The following ZNF45 variants were observed in gnomAD, a reference collection of about 807,000 sequenced individuals.
ZNF45 encodes zinc finger protein 45, also known as BRC1744.
Under a neutral mutation model 12.0 loss-of-function variants are expected in ZNF45, and 4 were observed. That is an observed-to-expected ratio of 0.33 (90% confidence interval 0.16 to 0.76). The LOEUF (loss-of-function observed/expected upper bound fraction) is 0.76, where lower values mean the gene tolerates loss of function less well. Among genes scored for constraint, ZNF45 ranks in the 30% least tolerant of loss-of-function variants. ZNF45 has a pLI of 0.60. For missense variants in ZNF45, 700 were observed against 813.0 expected, an observed-to-expected ratio of 0.86 and a Z score of 1.69; for synonymous variants, 272 against 279.6, an observed-to-expected ratio of 0.97 and a Z score of 0.27.
In ZNF45 at chr19:43,922,196, T is replaced by C; in HGVS notation, c.-11A>G. The C allele has an allele frequency of 6.2e-7, 1 of 1,608,804 alleles. No individual in the cohort carries two copies. The highest frequency in any genetic ancestry group is 8.5e-7 in the Non-Finnish European group (1 of 1,176,430). ...CTTAGACTTCGTCATTTTGTCCTCC[T>C]CCTTCTGGAGAAGTGCCAAGTCTTA... On this transcript the variant is annotated 5_prime_UTR_variant, in exon 7 of 10. Coordinates refer to ENST00000269973, the MANE Select transcript of ZNF45 (RefSeq NM_003425.4).
In ZNF45 at chr19:43,914,236, G is replaced by A. The variant is rs750890054; in HGVS notation, c.1200C>T (p.Ala400=). ...CEECGKGFCR[A]SNLLDHQRGH... is the part of the protein sequence containing the mutation. The stretch of plus-strand genomic sequence containing the variant: ...CTCTTTGATGGTCCAGCAGATTTGA[G>A]GCCCGGCAGAAGCCTTTCCCACACT... The change falls in exon 10 of 10, where the codon GCC becomes GCT. Residue 400 remains alanine (A), a synonymous_variant. Transcript: ENST00000269973. The A allele has an allele frequency of 6.2e-7, 1 of 1,613,448 alleles. No homozygotes were observed. The highest frequency in any genetic ancestry group is 8.5e-7 in the Non-Finnish European group (1 of 1,179,606).
rs571176969 is a variant in ZNF45, at chr19:43,929,422, G to A, written c.-400+3182C>T. 1.2e-4 allele frequency among the ~76,000 whole-genome samples: 18 copies of A among 152,238 alleles called. No individual in the cohort carries two copies. The East Asian group carries it at 3.5e-3, about 29-fold the overall frequency. Reference sequence around the variant, plus strand: ...CTCCCTAAGTCTGCTGAATCACAGGGCCAGACTAACAACCAAAATTATGTG... The same window carrying A: ...CTCCCTAAGTCTGCTGAATCACAGGACCAGACTAACAACCAAAATTATGTG... On this transcript the variant is annotated intron_variant, in intron 3 of 9. Transcript: ENST00000269973.
At chr19:43,921,119 T>C (rs1973138121) in intron 7 of ZNF45, among the ~76,000 whole-genome samples, 1 of 152,170 alleles carries the variant, frequency 6.6e-6, no homozygotes, top group Admixed American at 6.5e-5. Context: ...GGAGAATTCT[T>C]TTTCTTTGCC....
At chr19:43,927,262 G>A (rs1973761844) in intron 3 of ZNF45, among the ~76,000 whole-genome samples, 2 of 151,994 alleles carry the variant, frequency 1.3e-5, no homozygotes, top group Non-Finnish European at 2.9e-5. Context: ...GTGGAGTTTC[G>A]TTACCTGCTC....
chr19:43,919,590 C>T lies in ZNF45; in HGVS notation c.125G>A (p.Arg42Lys). The T allele has an allele frequency of 6.2e-7, 1 of 1,612,644 alleles. No homozygotes were observed. Among genetic ancestry groups the T allele is most frequent in the African/African-American group, 1.3e-5 (1 of 74,984 alleles). Residue 42 changes from arginine to lysine, a missense_variant, in exon 8 of 10, where the codon AGG becomes AAG. Coordinates refer to ENST00000269973, the MANE Select transcript of ZNF45 (RefSeq NM_003425.4). Reference sequence around the variant, plus strand: ...GTCCTCACCCACTGAGACCACATTCCTGAAGTTCTCCAGCATCACATCTCG... The same window carrying T: ...GTCCTCACCCACTGAGACCACATTCTTGAAGTTCTCCAGCATCACATCTCG... The part of the protein sequence containing the change: ...LYRDVMLENF[R>K]NVVSVGHQST...
At chr19:43,929,334 T>C (rs1441859581) in intron 3 of ZNF45, among the ~76,000 whole-genome samples, 1 of 152,256 alleles carries the variant, frequency 6.6e-6, no homozygotes, top group Non-Finnish European at 1.5e-5. Flanking sequence ...CCTGCCCGCC[T>C]AGTTCCTCGT....
chr19:43,916,551 T>C lies in ZNF45; in HGVS notation c.236-1351A>G, dbSNP rs530048206. ...TCTGACAAACTATATATGTCCCTTATTATTTTTTATGTCTCTGTTGAATGG... is the reference window on the plus strand; with the variant it reads ...TCTGACAAACTATATATGTCCCTTACTATTTTTTATGTCTCTGTTGAATGG... On this transcript the variant is annotated intron_variant, in intron 9 of 9. Transcript: ENST00000269973. 6.6e-5 allele frequency among the ~76,000 whole-genome samples: 10 copies of C among 152,372 alleles called. No homozygotes were observed. In the South Asian group the frequency reaches 1.9e-3, roughly 28 times the overall value.
intron 9 of ZNF45, among the ~76,000 whole-genome samples, chr19:43,916,223 T>C (rs1972655624): frequency 6.6e-6 from 1 of 152,088 alleles, no homozygotes; most frequent in Non-Finnish European, 1.5e-5. Flanking sequence ...CAAGTGATTC[T>C]CCTGCCTTAT....
rs1972380961 is a variant in ZNF45, at chr19:43,913,602, A to G, written c.1834T>C (p.Tyr612His). The G allele has an allele frequency of 6.2e-7, 1 of 1,614,026 alleles. No individual in the cohort carries two copies. The highest frequency in any genetic ancestry group is 8.5e-7 in the Non-Finnish European group (1 of 1,179,992). ...HQRVHTGERPYKCEECGKVFS... is the reference protein window; with the variant it reads ...HQRVHTGERPHKCEECGKVFS... ...ACTTTCCCACATTCCTCACATTTGT[A>G]TGGTCTCTCTCCTGTGTGGACCCTC... The change falls in exon 10 of 10, where the codon TAC becomes CAC. Residue 612 changes from tyrosine to histidine, a missense_variant. Coordinates refer to ENST00000269973, the MANE Select transcript of ZNF45 (RefSeq NM_003425.4).
intron 3 of ZNF45, among the ~76,000 whole-genome samples, chr19:43,932,218 C>A (rs576837550): frequency 6.6e-6 from 1 of 152,192 alleles, no homozygotes; most frequent in Admixed American, 6.5e-5. Context: ...CGCCTGTAAT[C>A]CCAGCTACTG....
intron 2 of ZNF45, among the ~76,000 whole-genome samples, chr19:43,933,736 A>G (rs941983593): frequency 6.6e-6 from 1 of 152,236 alleles, no homozygotes; most frequent in Non-Finnish European, 1.5e-5. Flanking sequence ...AAAAACTGCT[A>G]AACAGAAATG....
intron 3 of ZNF45, among the ~76,000 whole-genome samples, chr19:43,929,352 C>G (rs368133782): frequency 4.8e-4 from 73 of 152,322 alleles, no homozygotes; most frequent in African/African-American, 1.8e-3. Flanking sequence ...CGTGTGTTAA[C>G]CATGTTTTAT....
At chr19:43,915,380 A>G (rs1972558408) in intron 9 of ZNF45, among the ~76,000 whole-genome samples, 180 bp from the exon 10 acceptor site, 1 of 152,268 alleles carries the variant, frequency 6.6e-6, no homozygotes, top group Non-Finnish European at 1.5e-5. Flanking sequence ...TAAAACTCCT[A>G]CACATAAATT....
At chr19:43,918,650 G>C (rs424729) in intron 9 of ZNF45, among the ~76,000 whole-genome samples, 73,889 of 151,998 alleles carry the variant, frequency 0.49, 18,879 homozygotes, top group East Asian at 0.81. Flanking sequence ...TCCCCCAGTC[G>C]GTAGTATTTT....
At chr19:43,924,077 G>A (rs1298381322) in intron 6 of ZNF45, among the ~76,000 whole-genome samples, 161 bp downstream of exon 6, 1 of 151,582 alleles carries the variant, frequency 6.6e-6, no homozygotes, top group Non-Finnish European at 1.5e-5. Flanking sequence ...TCATGACTCT[G>A]CAAGATTTAT....
At chr19:43,927,850 A>C (rs887883352) in intron 3 of ZNF45, among the ~76,000 whole-genome samples, 5 of 152,120 alleles carry the variant, frequency 3.3e-5, no homozygotes, top group Admixed American at 2.0e-4. Flanking sequence ...AATGTGGTGC[A>C]TATACACCAT....
chr19:43,913,419 A>G lies in ZNF45; in HGVS notation c.2017T>C (p.Ser673Pro), dbSNP rs1972359749. 1 of 1,560,734 alleles carries G rather than the reference A, an allele frequency of 6.4e-7. No individual in the cohort carries two copies. The highest frequency in any genetic ancestry group is 8.7e-7 in the Non-Finnish European group (1 of 1,154,862). ...ADDEGDKDFP[S>P]SEDSHRKTR is the part of the protein sequence containing the mutation. ...GTTTTCCTGTGTGAATCCTCTGATGAAGGAAAGTCCTTGTCACCCTCATCA... is the reference window on the plus strand; with the variant it reads ...GTTTTCCTGTGTGAATCCTCTGATGGAGGAAAGTCCTTGTCACCCTCATCA... The change falls in exon 10 of 10, where the codon TCA becomes CCA. Residue 673 changes from serine to proline, a missense_variant. Transcript: ENST00000269973.
chr19:43,914,361 GTT>G lies in ZNF45; in HGVS notation c.1073_1074del (p.Lys358ThrfsTer3). On this transcript the variant is annotated frameshift_variant, in exon 10 of 10. Transcript: ENST00000269973. LOFTEE classifies it low-confidence loss of function (END_TRUNC). ...TTCCCACACTCCTCACACTTATAGGGTTTCTCTCCTGTGTGGATTCTACAATG... is the reference window on the plus strand; with the variant it reads ...TTCCCACACTCCTCACACTTATAGGGTCTCTCCTGTGTGGATTCTACAATG... Reference protein sequence around the residue: ...NIHCRIHTGEKPYKCEECGKG... With the variant: ...NIHCRIHTGEXPYKCEECGKG... The G allele has an allele frequency of 6.2e-7, 1 of 1,612,894 alleles. No individual in the cohort carries two copies. The highest frequency in any genetic ancestry group is 8.5e-7 in the Non-Finnish European group (1 of 1,179,166).
In ZNF45 at chr19:43,934,477, T is replaced by C. The variant is rs1324248070; in HGVS notation, c.-538A>G. The C allele has an allele frequency of 6.6e-6, 1 of 152,124 alleles. No homozygotes were observed. The highest frequency in any genetic ancestry group is 1.5e-5 in the Non-Finnish European group (1 of 68,038). 9.4% of individuals were successfully genotyped at this position (152,124 alleles called of 1,614,324 possible). On this transcript the variant is annotated 5_prime_UTR_variant, in exon 2 of 10. Transcript: ENST00000269973. The stretch of plus-strand genomic sequence containing the variant: ...AGGTGAATGCTAGGTCCTGTCACAG[T>C]GGGGCTCTGCTGCCAGAAGCCAGGA...
Sources: gnomAD v4.1 joint callset for allele counts (sites outside exome capture counted in the v4.1 genomes callset) on GRCh38, gnomAD v4.1.1 for gene constraint, MANE v1.5 for transcripts, NCBI Gene and HGNC (gene_info 2026-07-23, HGNC 2026-07-21) for gene names.